Variants in PIK3AP1 observed in about 807,000 individuals in gnomAD.
The protein encoded by PIK3AP1 is phosphoinositide-3-kinase adaptor protein 1, also known as phosphoinositide 3-kinase adapter protein 1.
PIK3AP1 carries 21 observed loss-of-function variants against 88.1 expected under a neutral mutation model. That is an observed-to-expected ratio of 0.24 (90% confidence interval 0.17 to 0.34). PIK3AP1 has a LOEUF of 0.34. PIK3AP1 is among the 10% of genes least tolerant of loss of function. The pLI is 1.00. For synonymous variants in PIK3AP1, 398 were observed against 400.0 expected, an observed-to-expected ratio of 1.00 and a Z score of 0.06; for missense variants, 828 against 1,035.7, an observed-to-expected ratio of 0.80 and a Z score of 2.75.
intron 10 of PIK3AP1, among the ~76,000 whole-genome samples, chr10:96,625,762 T>C (rs1843147038): frequency 2.6e-5 from 4 of 152,162 alleles, no homozygotes; most frequent in African/African-American, 9.7e-5. Flanking sequence ...TATTTATTCT[T>C]TTTTCAGACA....
At chr10:96,620,605 C>CGT in intron 11 of PIK3AP1, 48 bp from the exon 12 acceptor site, 1 of 1,556,548 alleles carries the variant, frequency 6.4e-7, no homozygotes, top group Non-Finnish European at 8.8e-7. Flanking sequence ...CACTGGGGAC[C>CGT]ACTCACCAGA....
chr10:96,668,869 C>A (rs562417425), intron 2 of PIK3AP1, among the ~76,000 whole-genome samples: 2 of 152,180 alleles, frequency 1.3e-5, no homozygotes, highest in African/African-American at 4.8e-5. Flanking sequence ...GTGGCTCACA[C>A]CTGTAATCCC....
At position 96,690,490 on chromosome 10, in the gene PIK3AP1, C is replaced by T. The variant is rs562091674; in HGVS notation, c.430+19077G>A. Among the ~76,000 whole-genome samples, 291 of 152,254 alleles carry T rather than the reference C, an allele frequency of 1.9e-3. 1 individual carries two copies. The highest frequency in any genetic ancestry group is 6.8e-3 in the South Asian group (33 of 4,822). On this transcript the variant is annotated intron_variant, in intron 2 of 16. Transcript: ENST00000339364. ...TGTTTCCCTGGCTAGTCTTAGACTC[C>T]TGGGCTCATACAATTCACCTTGGCT...
intron 2 of PIK3AP1, among the ~76,000 whole-genome samples, chr10:96,675,506 C>T (rs995619597): frequency 2.6e-5 from 4 of 152,166 alleles, no homozygotes; most frequent in African/African-American, 9.7e-5. Flanking sequence ...GAGGGTGGCA[C>T]AGGAGCCCTT....
intron 2 of PIK3AP1, among the ~76,000 whole-genome samples, chr10:96,674,471 T>C (rs1843889345): frequency 6.6e-6 from 1 of 152,220 alleles, no homozygotes; most frequent in South Asian, 2.1e-4. Flanking sequence ...AACTGAAAAG[T>C]GCAAGACAAA....
intron 2 of PIK3AP1, among the ~76,000 whole-genome samples, chr10:96,671,445 G>A (rs1466393125): frequency 2.6e-5 from 4 of 152,086 alleles, no homozygotes; most frequent in Admixed American, 2.6e-4. Flanking sequence ...CACTTACAAA[G>A]CTCCCAACAG....
intron 2 of PIK3AP1, among the ~76,000 whole-genome samples, chr10:96,668,568 G>A (rs929321252): frequency 1.3e-5 from 2 of 152,172 alleles, no homozygotes; most frequent in South Asian, 2.1e-4. Flanking sequence ...AGAATTAAGA[G>A]CTTGCCACCA....
At chr10:96,626,677 C>T in intron 10 of PIK3AP1, 31 bp downstream of exon 10, 5 of 1,605,966 alleles carry the variant, frequency 3.1e-6, no homozygotes, top group African/African-American at 2.7e-5. Context: ...CTCCAAAGAC[C>T]CAGTTGGACA....
chr10:96,700,623 T>A (rs928966670), intron 2 of PIK3AP1, among the ~76,000 whole-genome samples: 14 of 152,128 alleles, frequency 9.2e-5, no homozygotes, highest in Admixed American at 4.6e-4. Flanking sequence ...AGGAGGATCC[T>A]GGAGGAGGCA....
At chr10:96,661,076 C>T (rs1473018034) in intron 2 of PIK3AP1, among the ~76,000 whole-genome samples, 1 of 152,042 alleles carries the variant, frequency 6.6e-6, no homozygotes, top group Non-Finnish European at 1.5e-5. Flanking sequence ...CAAAAATTAG[C>T]CTCTCATGAG....
intron 16 of PIK3AP1, 80 bp downstream of exon 16, chr10:96,602,200 T>A (rs1307284501): frequency 6.1e-5 from 73 of 1,190,578 alleles, no homozygotes. Context: ...TATTCTTTAG[T>A]CATCTTAGGT....
chr10:96,706,358 T>C (rs189659012), intron 2 of PIK3AP1, among the ~76,000 whole-genome samples: 1 of 152,322 alleles, frequency 6.6e-6, no homozygotes, highest in Non-Finnish European at 1.5e-5. Context: ...ACCTCATGTA[T>C]GCAAGAGGAG....
intron 8 of PIK3AP1, among the ~76,000 whole-genome samples, chr10:96,640,332 C>A (rs1843367380): frequency 6.8e-6 from 1 of 147,494 alleles, no homozygotes; most frequent in African/African-American, 2.5e-5. Flanking sequence ...AGCAGATTAC[C>A]CTGGAAACAG....
chr10:96,692,122 A>G (rs955987382), intron 2 of PIK3AP1, among the ~76,000 whole-genome samples: 2 of 152,230 alleles, frequency 1.3e-5, no homozygotes, highest in African/African-American at 4.8e-5. Context: ...GAGGTTACCT[A>G]CTGGACAGAA....
intron 6 of PIK3AP1, among the ~76,000 whole-genome samples, chr10:96,649,525 T>C (rs1843508589): frequency 6.6e-6 from 1 of 152,248 alleles, no homozygotes; most frequent in Non-Finnish European, 1.5e-5. Flanking sequence ...GTTCAGAGCA[T>C]GTATTTCTTA....
intron 2 of PIK3AP1, among the ~76,000 whole-genome samples, chr10:96,707,464 TG>T (rs922200693): frequency 1.3e-5 from 2 of 152,134 alleles, no homozygotes; most frequent in Non-Finnish European, 2.9e-5. Context: ...AGCTAATTTT[TG>T]TATTTTTTTA....
chr10:96,687,702 C>T (rs1327695939), intron 2 of PIK3AP1, among the ~76,000 whole-genome samples: 3 of 152,200 alleles, frequency 2.0e-5, no homozygotes, highest in Non-Finnish European at 2.9e-5. Flanking sequence ...TCCGTTGAGG[C>T]CCTAACCACC....
intron 6 of PIK3AP1, among the ~76,000 whole-genome samples, chr10:96,650,197 C>G (rs763423747): frequency 6.6e-6 from 1 of 152,116 alleles, no homozygotes; most frequent in Non-Finnish European, 1.5e-5. Flanking sequence ...TGGGGAGAGG[C>G]AATACGAAAG....
intron 12 of PIK3AP1, among the ~76,000 whole-genome samples, chr10:96,620,066 CAG>C (rs1435041066): frequency 9.2e-5 from 14 of 152,144 alleles, no homozygotes; most frequent in African/African-American, 3.1e-4. Flanking sequence ...GAGCCAAATG[CAG>C]AGAGACACAG....
Sources: gnomAD v4.1 joint callset for allele counts (sites outside exome capture counted in the v4.1 genomes callset) on GRCh38, gnomAD v4.1.1 for gene constraint, MANE v1.5 for transcripts, NCBI Gene and HGNC (gene_info 2026-07-23, HGNC 2026-07-21) for gene names.